The following VWA3B variants were observed in gnomAD, a reference collection of about 807,000 sequenced individuals.
VWA3B encodes the protein von Willebrand factor A domain containing 3B.
A neutral mutation model predicts 158.3 loss-of-function variants in VWA3B; 138 were observed. The ratio of observed to expected loss-of-function variants is 0.87; its 90% confidence interval spans 0.76 to 1.00. The LOEUF is 1.00. VWA3B is among the 50% of genes least tolerant of loss of function. VWA3B has a pLI of 0.00. For synonymous variants in VWA3B, 596 were observed against 587.3 expected, an observed-to-expected ratio of 1.01 and a Z score of -0.21; for missense variants, 1,555 against 1,565.1, an observed-to-expected ratio of 0.99 and a Z score of 0.11.
chr2:98,300,685 G>A (rs1348868604), intron 25 of VWA3B, among the ~76,000 whole-genome samples: 2 of 151,888 alleles, frequency 1.3e-5, no homozygotes, highest in Admixed American at 1.3e-4. Context: ...CTCCATCTCT[G>A]GACACCTCCT....
At chr2:98,292,286 GATCT>G (rs1448888660) in intron 23 of VWA3B, among the ~76,000 whole-genome samples, 1 of 152,034 alleles carries the variant, frequency 6.6e-6, no homozygotes, top group African/African-American at 2.4e-5. Flanking sequence ...TCATAGGCAT[GATCT>G]ATCTATCAAC....
intron 2 of VWA3B, among the ~76,000 whole-genome samples, chr2:98,094,809 TA>T (rs1253421798): frequency 1.3e-5 from 2 of 152,296 alleles, no homozygotes; most frequent in Admixed American, 6.5e-5. Context: ...ATGGTGGCAA[TA>T]AGGGCCTAAT....
At chr2:98,123,983 A>G (rs1406221056) in intron 5 of VWA3B, among the ~76,000 whole-genome samples, 1 of 152,202 alleles carries the variant, frequency 6.6e-6, no homozygotes, top group Non-Finnish European at 1.5e-5. Context: ...CTGCTGGCAC[A>G]CATCTGTTTA....
At chr2:98,263,599 A>G (rs1359347568) in intron 21 of VWA3B, among the ~76,000 whole-genome samples, 1 of 151,788 alleles carries the variant, frequency 6.6e-6, no homozygotes. Context: ...CATTTTTTTC[A>G]TGGTGATTAT....
chr2:98,311,164 G>GA (rs1690867874), intron 26 of VWA3B, among the ~76,000 whole-genome samples: 1 of 152,176 alleles, frequency 6.6e-6, no homozygotes, highest in African/African-American at 2.4e-5. Flanking sequence ...TGAAGGCCCT[G>GA]AAAAAAGGTG....
At chr2:98,153,153 C>T (rs565027718) in intron 7 of VWA3B, among the ~76,000 whole-genome samples, 5 of 152,326 alleles carry the variant, frequency 3.3e-5, no homozygotes, top group African/African-American at 9.6e-5. Context: ...TGGCCAGCCC[C>T]TGCTCATTGT....
chr2:98,112,241 G>A (rs557264869), intron 2 of VWA3B, among the ~76,000 whole-genome samples: 1 of 150,900 alleles, frequency 6.6e-6, no homozygotes, highest in African/African-American at 2.4e-5. Context: ...CTTTATTTTT[G>A]GTTCTGTATT....
At chr2:98,270,503 C>T (rs1052563368) in intron 21 of VWA3B, among the ~76,000 whole-genome samples, 179 bp from the exon 22 acceptor site, 2 of 152,206 alleles carry the variant, frequency 1.3e-5, no homozygotes, top group Non-Finnish European at 2.9e-5. Flanking sequence ...CTACCAAAGT[C>T]CTGATAGAGC....
rs184049877 is a variant in VWA3B at position 98,217,595 on chromosome 2, A to G, written c.1837-251A>G. On this transcript the variant is annotated intron_variant, in intron 13 of 27. Transcript: ENST00000477737. The stretch of plus-strand genomic sequence containing the variant: ...ACTTGGTTGGCCGAATCTTTCTCCT[A>G]GCTTCTTTGTCCCACCCAACTGAGA... Among the ~76,000 whole-genome samples the G allele has an allele frequency of 4.6e-5, 7 of 152,166 alleles. No individual in the cohort carries two copies. In the East Asian group the frequency reaches 1.2e-3, roughly 25 times the overall value.
chr2:98,274,901 G>A (rs1157770772), intron 22 of VWA3B, among the ~76,000 whole-genome samples: 1 of 152,148 alleles, frequency 6.6e-6, no homozygotes, highest in African/African-American at 2.4e-5. Context: ...CAAAGTTGAA[G>A]GTGCTCACAA....
At chr2:98,102,125 A>ACCACC (rs372592967) in intron 2 of VWA3B, among the ~76,000 whole-genome samples, 3 of 151,940 alleles carry the variant, frequency 2.0e-5, no homozygotes, top group Admixed American at 6.6e-5. Context: ...CACATCTTGC[A>ACCACC]CTGCCCTTAA....
At chr2:98,289,407 T>G (rs1689359075) in intron 22 of VWA3B, among the ~76,000 whole-genome samples, 1 of 152,198 alleles carries the variant, frequency 6.6e-6, no homozygotes, top group Non-Finnish European at 1.5e-5. Context: ...CAGAAATTCC[T>G]TTGTTTTTCC....
chr2:98,174,028 G>A (rs1679813513), intron 8 of VWA3B, among the ~76,000 whole-genome samples: 1 of 152,066 alleles, frequency 6.6e-6, no homozygotes, highest in Admixed American at 6.6e-5. Context: ...TATATTTCGT[G>A]TATTTGGACC....
chr2:98,236,182 C>T (rs879717795), intron 17 of VWA3B, among the ~76,000 whole-genome samples: 2 of 152,102 alleles, frequency 1.3e-5, no homozygotes, highest in African/African-American at 2.4e-5. Flanking sequence ...GTGGTAGTGC[C>T]GTATTTACCC....
chr2:98,158,433 C>T (rs1678280713), intron 7 of VWA3B, among the ~76,000 whole-genome samples: 1 of 152,138 alleles, frequency 6.6e-6, no homozygotes, highest in Non-Finnish European at 1.5e-5. Context: ...CAGCTGCCTA[C>T]TAAAAATAAG....
the VWA3B span, among the ~76,000 whole-genome samples, chr2:98,323,637 C>A: frequency 2.0e-5 from 3 of 152,254 alleles, no homozygotes; most frequent in African/African-American, 4.8e-5. Flanking sequence ...CTACACACAT[C>A]ATAGTCAGAC....
At chr2:98,179,128 G>A (rs1245200944) in intron 8 of VWA3B, 5 of 448,480 alleles carry the variant, frequency 1.1e-5, no homozygotes, top group African/African-American at 4.0e-5. Flanking sequence ...AGCGGCCATC[G>A]CCCAGCATGG....
intron 1 of VWA3B, among the ~76,000 whole-genome samples, chr2:98,091,690 T>C: frequency 6.6e-6 from 1 of 152,264 alleles, no homozygotes; most frequent in East Asian, 1.9e-4. Context: ...CCTCCCTGAC[T>C]TGGTCCAACT....
rs567544130 is a variant in VWA3B at position 98,179,527 on chromosome 2, A to G, written c.1115-1489A>G. On this transcript the variant is annotated intron_variant, in intron 8 of 27. Transcript: ENST00000477737. ...GTCAGGACACACTCACCAAGGTAAC[A>G]AAGGGGCTTCAGGGGAGGCAGCCTC... is the stretch of plus-strand genomic sequence containing the variant. 1.2e-4 allele frequency among the ~76,000 whole-genome samples: 19 copies of G among 152,288 alleles called. No homozygotes were observed. In the South Asian group the frequency reaches 3.9e-3, roughly 32 times the overall value.
Sources: allele counts gnomAD v4.1 joint callset (sites outside exome capture counted in the v4.1 genomes callset), GRCh38; gene constraint gnomAD v4.1.1; transcripts MANE v1.5; gene names NCBI Gene and HGNC (gene_info 2026-07-23, HGNC 2026-07-21).